The following DAAM1 variants were observed in gnomAD, a reference collection of about 807,000 sequenced individuals.
DAAM1 encodes the protein disheveled-associated activator of morphogenesis 1.
In DAAM1, 52 loss-of-function variants were observed where a neutral mutation model predicts 130.0. The ratio of observed to expected loss-of-function variants is 0.40; its 90% confidence interval spans 0.32 to 0.50. The LOEUF is 0.50. Ranked by LOEUF, DAAM1 falls within the 20% of genes least tolerant of loss-of-function variation. The pLI is 0.61. For missense variants in DAAM1, 1,134 were observed against 1,303.8 expected (o/e 0.87, Z 2.01); for synonymous variants, 452 against 444.5 (o/e 1.02, Z -0.21).
At chr14:59,317,657 GT>G (rs1884841396) in intron 4 of DAAM1, among the ~76,000 whole-genome samples, 1 of 152,188 alleles carries the variant, frequency 6.6e-6, no homozygotes, top group Admixed American at 6.5e-5. Context: ...CACTTCATAT[GT>G]TGTTTGCGGT....
rs200150249 is a variant in DAAM1 at position 59,363,684 on chromosome 14, C to T, written c.2728C>T (p.Pro910Ser). 5 of 1,614,108 alleles carry T rather than the reference C, an allele frequency of 3.1e-6. No individual in the cohort carries two copies. The highest frequency in any genetic ancestry group is 4.2e-6 in the Non-Finnish European group (5 of 1,179,980). The change falls in exon 23 of 25, where the codon CCC (proline) becomes TCC (serine). Residue 910 changes from proline to serine, a missense_variant. Pro to Ser is a moderately conservative substitution (Grantham distance 74). Around this residue, in one of 3 missense-constraint regions of DAAM1, gnomAD observed 644 missense variants for 695.9 expected, o/e 0.93. Coordinates refer to ENST00000360909, the MANE Select transcript of DAAM1 (RefSeq NM_001270520.2). The stretch of plus-strand genomic sequence containing the variant: ...ATATCAGAAGTCTCAGCCCCCACAG[C>T]CCGGAGATAAGTTTGTGTCTGTTGT... ...LEYQKSQPPQ[P>S]GDKFVSVVSQ...
At chr14:59,297,906 C>T (rs1443523717) in intron 3 of DAAM1, among the ~76,000 whole-genome samples, 9 of 152,038 alleles carry the variant, frequency 5.9e-5, no homozygotes. Flanking sequence ...AATGTATCCC[C>T]CATAGATAAG....
intron 3 of DAAM1, among the ~76,000 whole-genome samples, chr14:59,301,444 C>T (rs1884169110): frequency 6.6e-6 from 1 of 151,982 alleles, no homozygotes; most frequent in African/African-American, 2.4e-5. Context: ...GCTCTGTGTA[C>T]AGTTCACTCT....
At chr14:59,327,338 A>T (rs1289703326) in intron 12 of DAAM1, among the ~76,000 whole-genome samples, 1 of 151,622 alleles carries the variant, frequency 6.6e-6, no homozygotes, top group Non-Finnish European at 1.5e-5. Context: ...GGTTTTAAGA[A>T]ATGTAATAAG....
intron 4 of DAAM1, among the ~76,000 whole-genome samples, chr14:59,315,612 T>A (rs1331973564): frequency 1.3e-5 from 2 of 152,238 alleles, no homozygotes; most frequent in African/African-American, 4.8e-5. Flanking sequence ...AAATGTAGTT[T>A]GAAATCTGGC....
chr14:59,356,378 C>G (rs1457317333), intron 20 of DAAM1, among the ~76,000 whole-genome samples: 1 of 152,278 alleles, frequency 6.6e-6, no homozygotes, highest in Admixed American at 6.5e-5. Flanking sequence ...GTTGTTATAG[C>G]CCTGCCACCT....
chr14:59,334,706 T>C (rs1238113392), intron 15 of DAAM1, among the ~76,000 whole-genome samples: 1 of 152,214 alleles, frequency 6.6e-6, no homozygotes, highest in Admixed American at 6.5e-5. Flanking sequence ...TGCACACACA[T>C]ATATGCTTAC....
intron 2 of DAAM1, among the ~76,000 whole-genome samples, chr14:59,287,375 A>T (rs1247067658): frequency 6.6e-6 from 1 of 152,256 alleles, no homozygotes; most frequent in Non-Finnish European, 1.5e-5. Flanking sequence ...AACTAGAATA[A>T]GACAAGTATG....
At chr14:59,323,592 T>G (rs537516807) in intron 6 of DAAM1, among the ~76,000 whole-genome samples, 6 of 152,276 alleles carry the variant, frequency 3.9e-5, no homozygotes, top group African/African-American at 1.4e-4. Context: ...ATTACTTGGA[T>G]GTAAAAAGCA....
At chr14:59,287,705 G>T (rs1354992840) in intron 2 of DAAM1, among the ~76,000 whole-genome samples, 1 of 151,972 alleles carries the variant, frequency 6.6e-6, no homozygotes, top group Non-Finnish European at 1.5e-5. Context: ...AAATACCTAG[G>T]AATATGCTTA....
At chr14:59,320,445 TA>T in intron 4 of DAAM1, 44 bp from the exon 5 acceptor site, 1 of 1,506,754 alleles carries the variant, frequency 6.6e-7, no homozygotes, top group East Asian at 2.3e-5. Context: ...GTACTGTAAT[TA>T]AAAAATAGAA....
Position 59,331,523 on chromosome 14 carries a change from C to G in DAAM1, c.1860+15C>G, listed in dbSNP as rs1453635147. 4.5e-6 allele frequency: 7 copies of G among 1,564,264 alleles called. No homozygotes were observed. The highest frequency in any genetic ancestry group is 6.1e-6 in the Non-Finnish European group (7 of 1,153,540). ...AACTGCCCGAGGTGAGCCATTTGTTCCAGTTTTCCCTTTAATGGATAGCAT... is the reference window on the plus strand; with the variant it reads ...AACTGCCCGAGGTGAGCCATTTGTTGCAGTTTTCCCTTTAATGGATAGCAT... On this transcript the variant is annotated intron_variant, in intron 14 of 24. Transcript: ENST00000360909.
At chr14:59,231,868 G>A (rs1314557000) in intron 1 of DAAM1, among the ~76,000 whole-genome samples, 3 of 152,218 alleles carry the variant, frequency 2.0e-5, no homozygotes, top group African/African-American at 7.2e-5. Flanking sequence ...AAATGCCTAT[G>A]TCAAAATCCT....
intron 1 of DAAM1, among the ~76,000 whole-genome samples, chr14:59,206,027 A>C (rs1162883042): frequency 6.6e-6 from 1 of 151,378 alleles, no homozygotes; most frequent in Admixed American, 6.6e-5. Context: ...AATTTTGAAA[A>C]ATTTTCATAA....
chr14:59,262,518 A>G (rs910505273), intron 1 of DAAM1, among the ~76,000 whole-genome samples: 10 of 152,224 alleles, frequency 6.6e-5, no homozygotes, highest in South Asian at 2.1e-4. Flanking sequence ...GATTACTGCT[A>G]TTAGTAATTT....
intron 2 of DAAM1, among the ~76,000 whole-genome samples, chr14:59,289,925 A>G (rs1883666285): frequency 6.6e-6 from 1 of 152,042 alleles, no homozygotes; most frequent in African/African-American, 2.4e-5. Flanking sequence ...AGTAAGAGCT[A>G]AACTTTGAAG....
chr14:59,360,152 G>T (rs919960752), intron 21 of DAAM1, among the ~76,000 whole-genome samples: 6 of 152,024 alleles, frequency 3.9e-5, no homozygotes, highest in Non-Finnish European at 7.4e-5. Context: ...ATGAAGTATT[G>T]GTGAGTTTCT....
chr14:59,362,712 C>G (rs932110491), intron 22 of DAAM1: 12 of 151,972 alleles, frequency 7.9e-5, no homozygotes, highest in African/African-American at 2.9e-4. Context: ...AGTGGTAGAG[C>G]TGAGTCAGAA....
intron 1 of DAAM1, among the ~76,000 whole-genome samples, chr14:59,210,770 G>T (rs571675724): frequency 6.6e-6 from 1 of 152,252 alleles, no homozygotes; most frequent in East Asian, 1.9e-4. Flanking sequence ...TTTTCTGAAG[G>T]CATAAAAACC....
Sources: gnomAD v4.1 joint callset for allele counts (sites outside exome capture counted in the v4.1 genomes callset) on GRCh38, gnomAD v4.1.1 for gene constraint, gnomAD v4.1.1 regional missense constraint, MANE v1.5 for transcripts, NCBI Gene and HGNC (gene_info 2026-07-23, HGNC 2026-07-21) for gene names.